The following APPBP2 variants were observed in gnomAD, a reference collection of about 807,000 sequenced individuals.
APPBP2 encodes the protein amyloid protein-binding protein 2.
APPBP2 carries 15 observed loss-of-function variants against 76.0 expected under a neutral mutation model. The ratio of observed to expected loss-of-function variants is 0.20; its 90% CI spans 0.13 to 0.30. APPBP2 has a LOEUF of 0.30. APPBP2 is among the 10% of genes least tolerant of loss of function. The probability of loss-of-function intolerance (pLI) is 1.00; values close to 1 mark genes in which losing one functional copy is unlikely to be tolerated. For missense variants in APPBP2, 401 were observed against 687.2 expected (o/e 0.58, Z 4.66); for synonymous variants, 222 against 242.2 (o/e 0.92, Z 0.77).
chr17:60,480,111 C>G (rs2090618089), intron 3 of APPBP2, among the ~76,000 whole-genome samples: 1 of 152,108 alleles, frequency 6.6e-6, no homozygotes, highest in South Asian at 2.1e-4. Context: ...AAGTAACATA[C>G]CATCATGGTA....
intron 11 of APPBP2, 107 bp from the exon 12 acceptor site, chr17:60,452,152 A>C (rs1234250526): frequency 3.5e-6 from 4 of 1,141,974 alleles, no homozygotes; most frequent in Admixed American, 4.5e-5. Flanking sequence ...TATGAATGCC[A>C]TAAGGTAATC....
chr17:60,520,751 G>A (rs2143506851), intron 1 of APPBP2, among the ~76,000 whole-genome samples: 1 of 151,940 alleles, frequency 6.6e-6, no homozygotes, highest in South Asian at 2.1e-4. Context: ...TTAAAGAGAT[G>A]GAGTCTCACT....
chr17:60,501,443 A>G (rs1184175653), intron 1 of APPBP2, among the ~76,000 whole-genome samples: 1 of 152,138 alleles, frequency 6.6e-6, no homozygotes, highest in Admixed American at 6.5e-5. Flanking sequence ...ACAATACCCA[A>G]GAGTGTGTAG....
chr17:60,479,600 C>T (rs2090614864), intron 3 of APPBP2, among the ~76,000 whole-genome samples: 1 of 152,180 alleles, frequency 6.6e-6, no homozygotes, highest in South Asian at 2.1e-4. Flanking sequence ...ATAACTTTAG[C>T]ATCTCCCAAT....
chr17:60,499,587 A>G (rs980301849), intron 2 of APPBP2, among the ~76,000 whole-genome samples: 1 of 152,222 alleles, frequency 6.6e-6, no homozygotes, highest in African/African-American at 2.4e-5. Flanking sequence ...AACTGAAGGC[A>G]GGGGCTTGAA....
intron 3 of APPBP2, among the ~76,000 whole-genome samples, chr17:60,494,020 G>C (rs1160072454): frequency 6.6e-6 from 1 of 152,150 alleles, no homozygotes; most frequent in Non-Finnish European, 1.5e-5. Context: ...AGGAAATACA[G>C]AATAACCCTC....
At position 60,500,334 on chromosome 17, in the gene APPBP2, C is replaced by G; in HGVS notation, c.227+65G>C. 3 of 1,151,506 alleles carry G rather than the reference C, an allele frequency of 2.6e-6. No individual in the cohort carries two copies. In the South Asian group the frequency reaches 4.1e-5, roughly 16 times the overall value. The allele number at this position is 1,151,506 out of a possible 1,614,324, so 71.3% of individuals were successfully genotyped here. A position where few individuals can be genotyped will look rare whatever the true frequency, so the allele number is the denominator to read the frequency against. ...CAATGTGAATATACTTAATGCCACT[C>G]AATTCGGTTAAAATGGTAAATTTTA... On this transcript the variant is annotated intron_variant, in intron 2 of 12. Coordinates refer to ENST00000083182, the MANE Select transcript of APPBP2 (RefSeq NM_006380.5).
intron 3 of APPBP2, among the ~76,000 whole-genome samples, chr17:60,481,943 C>T (rs1230064126): frequency 6.6e-6 from 1 of 152,174 alleles, no homozygotes; most frequent in East Asian, 1.9e-4. Flanking sequence ...AGTGCAATAG[C>T]GTGATCTCGG....
chr17:60,513,162 A>G (rs2090932136), intron 1 of APPBP2: 1 of 339,416 alleles, frequency 2.9e-6, no homozygotes, highest in Non-Finnish European at 5.4e-6. Flanking sequence ...TATTTGCTAC[A>G]GTAACCTCAT....
Position 60,444,677 on chromosome 17 carries a change from A to C in APPBP2, c.*2904T>G, listed in dbSNP as rs9898327. 1.1e-4 allele frequency: 16 copies of C among 152,216 alleles called. No individual in the cohort carries two copies. Among genetic ancestry groups the C allele is most frequent in the African/African-American group, 3.6e-4 (15 of 41,404 alleles). The allele number at this position is 152,216 out of a possible 1,614,324, so 9.4% of individuals were successfully genotyped here. A position where few individuals can be genotyped will look rare whatever the true frequency, so the allele number is the denominator to read the frequency against. On this transcript the variant is annotated 3_prime_UTR_variant, in exon 13 of 13. Transcript: ENST00000083182. The stretch of plus-strand genomic sequence containing the variant: ...CCCTTTGGCAAAGTCAGCTTTGAGG[A>C]TCCATAAAGATTATGCTCTAAAAAT...
chr17:60,460,519 C>G, intron 9 of APPBP2, 144 bp downstream of exon 9: 1 of 823,664 alleles, frequency 1.2e-6, no homozygotes, highest in Non-Finnish European at 1.7e-6. Flanking sequence ...TTTAGGCATT[C>G]TGATAAAGCT....
intron 1 of APPBP2, among the ~76,000 whole-genome samples, chr17:60,517,674 T>C (rs1037478951): frequency 6.6e-6 from 1 of 152,206 alleles, no homozygotes; most frequent in Non-Finnish European, 1.5e-5. Context: ...TTTATCATAA[T>C]ACAGGTGATA....
At chr17:60,505,530 T>C (rs908752780) in intron 1 of APPBP2, among the ~76,000 whole-genome samples, 7 of 151,728 alleles carry the variant, frequency 4.6e-5, no homozygotes, top group East Asian at 1.9e-4. Flanking sequence ...TTAGCCAGGA[T>C]AGTTTCGATC....
chr17:60,469,197 G>C lies in APPBP2; in HGVS notation c.504-2738C>G, dbSNP rs138677074. Among the ~76,000 whole-genome samples, 444 of 151,928 alleles carry C rather than the reference G, an allele frequency of 2.9e-3. 3 individuals carry two copies. The highest frequency in any genetic ancestry group is 0.01 in the African/African-American group (428 of 41,468). ...AAAAATTAGCTTGGCATGGTGGTGC[G>C]TGCCTGTAGTTCCAGCTACTTGGGA... On this transcript the variant is annotated intron_variant, in intron 4 of 12. Transcript: ENST00000083182.
intron 3 of APPBP2, among the ~76,000 whole-genome samples, chr17:60,491,062 A>G (rs931257698): frequency 6.6e-6 from 1 of 152,220 alleles, no homozygotes; most frequent in African/African-American, 2.4e-5. Context: ...GGTAACAGGC[A>G]AAGTTTGGAA....
At chr17:60,519,555 C>A (rs751769695) in intron 1 of APPBP2, among the ~76,000 whole-genome samples, 1 of 151,296 alleles carries the variant, frequency 6.6e-6, no homozygotes, top group Non-Finnish European at 1.5e-5. Context: ...CCTAGCTACT[C>A]GGGACGATGA....
chr17:60,470,722 C>T lies in APPBP2; in HGVS notation c.504-4263G>A, dbSNP rs569615172. 6.2e-4 allele frequency among the ~76,000 whole-genome samples: 90 copies of T among 144,742 alleles called. 1 individual carries two copies. The East Asian group carries it at 0.012, about 19-fold the overall frequency. The allele number at this position is 144,742 out of a possible 152,430, so 95.0% of individuals were successfully genotyped here. A position where few individuals can be genotyped will look rare whatever the true frequency, so the allele number is the denominator to read the frequency against. On this transcript the variant is annotated intron_variant, in intron 4 of 12. Coordinates refer to ENST00000083182, the MANE Select transcript of APPBP2 (RefSeq NM_006380.5). ...CCTCCAGAGTAGCTTGGATTACAGGCGCCTGCCACCATACCCAGCTAATTT... is the reference window on the plus strand; with the variant it reads ...CCTCCAGAGTAGCTTGGATTACAGGTGCCTGCCACCATACCCAGCTAATTT...
At chr17:60,516,055 ACTGGGGAAG>A (rs2090960419) in intron 1 of APPBP2, among the ~76,000 whole-genome samples, 1 of 152,178 alleles carries the variant, frequency 6.6e-6, no homozygotes, top group African/African-American at 2.4e-5. Flanking sequence ...AATCCCAGCT[ACTGGGGAAG>A]CTGAGGCAGA....
At chr17:60,490,199 G>T (rs2090715903) in intron 3 of APPBP2, among the ~76,000 whole-genome samples, 1 of 152,130 alleles carries the variant, frequency 6.6e-6, no homozygotes, top group African/African-American at 2.4e-5. Flanking sequence ...CGTAAAAACT[G>T]GTGAAAACTA....
Sources: allele counts gnomAD v4.1 joint callset (sites outside exome capture counted in the v4.1 genomes callset), GRCh38; gene constraint gnomAD v4.1.1; transcripts MANE v1.5; gene names NCBI Gene and HGNC (gene_info 2026-07-23, HGNC 2026-07-21).